ZNF341: variants seen among roughly 807,000 people sequenced by gnomAD.
The protein encoded by ZNF341 is zinc finger protein 341.
Under a neutral mutation model 87.7 loss-of-function variants are expected in ZNF341, and 52 were observed. That is an observed-to-expected ratio of 0.59 (90% CI 0.47 to 0.75). The LOEUF is 0.75. ZNF341 is among the 30% of genes least tolerant of loss of function. The probability of loss-of-function intolerance (pLI) is 0.00; values close to 1 mark genes in which losing one functional copy is unlikely to be tolerated. For synonymous variants in ZNF341, 459 were observed against 472.7 expected, an observed-to-expected ratio of 0.97 and a Z score of 0.38; for missense variants, 977 against 1,145.9, an observed-to-expected ratio of 0.85 and a Z score of 2.13.
chr20:33,745,385 T>G, intron 3 of ZNF341, 86 bp downstream of exon 3: 1 of 1,342,858 alleles, frequency 7.4e-7, no homozygotes. Context: ...GCTATAGCAA[T>G]GGATAAGACA....
At chr20:33,759,664 A>G (rs527509686) in intron 7 of ZNF341, among the ~76,000 whole-genome samples, 3 of 152,258 alleles carry the variant, frequency 2.0e-5, no homozygotes, top group African/African-American at 7.2e-5. Flanking sequence ...TCCCTTTGCA[A>G]TTTCAGTCCT....
At chr20:33,752,896 G>A (rs1190066904) in intron 4 of ZNF341, among the ~76,000 whole-genome samples, 4 of 149,216 alleles carry the variant, frequency 2.7e-5, no homozygotes, top group Non-Finnish European at 5.9e-5. Context: ...TGATCCGCCC[G>A]CCTCAGCTCC....
In ZNF341 at chr20:33,791,562, T is replaced by C; in HGVS notation, c.*45T>C. ...TCCTGGGCAGGCCTGATGCTCCTGT[T>C]TGGGTCCAGGGCCCCTGGGGGCAGA... On this transcript the variant is annotated 3_prime_UTR_variant, in exon 15 of 15. Transcript: ENST00000375200. 4.7e-6 allele frequency: 7 copies of C among 1,496,844 alleles called. No homozygotes were observed. Among genetic ancestry groups the C allele is most frequent in the African/African-American group, 1.4e-5 (1 of 71,966 alleles). 92.7% of individuals were successfully genotyped at this position (1,496,844 alleles called of 1,614,324 possible). A position where few individuals can be genotyped will look rare whatever the true frequency, so the allele number is the denominator to read the frequency against.
intron 12 of ZNF341, chr20:33,788,057 C>G (rs2019905905): frequency 6.6e-6 from 1 of 151,418 alleles, no homozygotes; most frequent in African/African-American, 2.4e-5. Flanking sequence ...TGGTTAAAAG[C>G]TTACATCAGA....
At chr20:33,757,009 C>G (rs1249301963) in intron 5 of ZNF341, 139 bp from the exon 6 acceptor site, 7 of 660,974 alleles carry the variant, frequency 1.1e-5, no homozygotes, top group Non-Finnish European at 1.7e-5. Flanking sequence ...CTTGGGTGAC[C>G]GGGCCAGGTG....
intron 8 of ZNF341, among the ~76,000 whole-genome samples, chr20:33,764,561 A>ATATATATATATATATATTT (rs1266929824): frequency 3.5e-5 from 1 of 28,412 alleles, no homozygotes; most frequent in East Asian, 3.4e-3. Flanking sequence ...ATATATATAT[A>ATATATATATATATATATTT]TTTTTTTTTT....
chr20:33,732,391 G>A lies in ZNF341; in HGVS notation c.31+339G>A, dbSNP rs1330117356. ...GGCGGGGCGGTCTGGAACAGCCGCG[G>A]CCAGGGAGGCGGCTTGGCGGCGCGC... On this transcript the variant is annotated intron_variant, in intron 1 of 14. Transcript: ENST00000375200. This position sits in a 1 kb window ranked among gnomAD's most constrained non-coding sequence, Gnocchi z 4.5. Among the ~76,000 whole-genome samples the A allele has an allele frequency of 6.6e-6, 1 of 151,874 alleles. No homozygotes were observed. Among genetic ancestry groups the A allele is most frequent in the Non-Finnish European group, 1.5e-5 (1 of 67,906 alleles).
chr20:33,735,447 ACCTCAG>A (rs1202591546), intron 1 of ZNF341, among the ~76,000 whole-genome samples: 1 of 151,898 alleles, frequency 6.6e-6, no homozygotes, highest in African/African-American at 2.4e-5. Flanking sequence ...TGATCCTCCC[ACCTCAG>A]CCTCCCAGGT....
intron 4 of ZNF341, among the ~76,000 whole-genome samples, chr20:33,750,733 T>C (rs1290997781): frequency 6.6e-6 from 1 of 152,016 alleles, no homozygotes; most frequent in African/African-American, 2.4e-5. Context: ...CTCCGCATCC[T>C]GGGTTCAAGC....
At chr20:33,741,864 G>A (rs1185544941) in intron 2 of ZNF341, among the ~76,000 whole-genome samples, 1 of 152,240 alleles carries the variant, frequency 6.6e-6, no homozygotes, top group Non-Finnish European at 1.5e-5. Context: ...CCGTGGGCAA[G>A]TGAGTGAATT....
At chr20:33,767,711 A>C (rs914619050) in intron 9 of ZNF341, among the ~76,000 whole-genome samples, 1 of 152,152 alleles carries the variant, frequency 6.6e-6, no homozygotes, top group African/African-American at 2.4e-5. Context: ...AACCCAGTAC[A>C]TGTGCTCTAT....
At chr20:33,744,498 TTC>T (rs2018874936) in intron 2 of ZNF341, among the ~76,000 whole-genome samples, 1 of 151,978 alleles carries the variant, frequency 6.6e-6, no homozygotes, top group African/African-American at 2.4e-5. Flanking sequence ...GGTTCTGGAG[TTC>T]TCAACTTTGT....
chr20:33,785,492 A>G (rs558344211), intron 12 of ZNF341, among the ~76,000 whole-genome samples: 3 of 152,002 alleles, frequency 2.0e-5, no homozygotes, highest in South Asian at 4.2e-4. Flanking sequence ...CGCCCACCAC[A>G]TGCCTGGCTA....
rs2018973636 is a variant in ZNF341, at chr20:33,748,162, C to G, written c.340-761C>G. ...TCTCAGCTCACTGCAACCTCCATCT[C>G]CCAGGTTCAAGCGGTTCTCCTGCCT... is the stretch of plus-strand genomic sequence containing the variant. On this transcript the variant is annotated intron_variant, in intron 3 of 14. Transcript: ENST00000375200. Among the ~76,000 whole-genome samples the G allele has an allele frequency of 3.3e-5, 5 of 150,748 alleles. No homozygotes were observed. In the East Asian group the frequency reaches 6.0e-4, roughly 18 times the overall value.
chr20:33,732,195 G>A lies in ZNF341; in HGVS notation c.31+143G>A. ...GGAACAGCCGCGGGGCGGGAGGGGC[G>A]CGGGCGGGAACAGCGCGGGAGCCGA... On this transcript the variant is annotated intron_variant, in intron 1 of 14. Coordinates refer to ENST00000375200, the MANE Select transcript of ZNF341 (RefSeq NM_001282933.2). This position sits in a 1 kb window ranked among gnomAD's most constrained non-coding sequence, Gnocchi z 4.5. 1.6e-6 allele frequency: 1 copy of A among 634,206 alleles called. No homozygotes were observed. The highest frequency in any genetic ancestry group is 2.0e-5 in the African/African-American group (1 of 50,156). 39.3% of individuals were successfully genotyped at this position (634,206 alleles called of 1,614,324 possible).
chr20:33,767,107 C>T, intron 9 of ZNF341, 66 bp downstream of exon 9: 1 of 1,529,834 alleles, frequency 6.5e-7, no homozygotes, highest in South Asian at 1.3e-5. Context: ...GTGCTAGGGT[C>T]TTGAATGCTG....
At chr20:33,758,590 TG>T in intron 6 of ZNF341, 125 bp from the exon 7 acceptor site, 1 of 678,384 alleles carries the variant, frequency 1.5e-6, no homozygotes, top group Admixed American at 2.5e-5. Context: ...CTCCCTGGCC[TG>T]TGTATGGGCA....
chr20:33,742,447 G>A lies in ZNF341; in HGVS notation c.142+1435G>A, dbSNP rs36037474. On this transcript the variant is annotated intron_variant, in intron 2 of 14. Coordinates refer to ENST00000375200, the MANE Select transcript of ZNF341 (RefSeq NM_001282933.2). ...CCCTGACCTCATGATCACCCGCCTC[G>A]GCCTCCCAAAGTGCTGGGATTGCAG... 3.7e-3 allele frequency among the ~76,000 whole-genome samples: 557 copies of A among 152,020 alleles called. 5 individuals are homozygous for A. The highest frequency in any genetic ancestry group is 3.3e-3 in the Non-Finnish European group (226 of 67,974).
rs2018603728 is a variant in ZNF341 at position 33,732,896 on chromosome 20, T to C, written c.31+844T>C. Among the ~76,000 whole-genome samples the C allele has an allele frequency of 6.6e-6, 1 of 152,268 alleles. No individual in the cohort carries two copies. The highest frequency in any genetic ancestry group is 3.4e-3 in the Middle Eastern group (1 of 294). ...AGCGACTCGGGGCCATGGCGCAGAA[T>C]AGATATTGTGGGAAATACAGACCAA... is the stretch of plus-strand genomic sequence containing the variant. On this transcript the variant is annotated intron_variant, in intron 1 of 14. Coordinates refer to ENST00000375200, the MANE Select transcript of ZNF341 (RefSeq NM_001282933.2). The surrounding 1 kb of genome is among the most constrained non-coding windows in gnomAD (Gnocchi z 4.5).
Sources: gnomAD v4.1 joint callset for allele counts (sites outside exome capture counted in the v4.1 genomes callset) on GRCh38, gnomAD v4.1.1 for gene constraint, Gnocchi (gnomAD v3.1) non-coding constraint, MANE v1.5 for transcripts, NCBI Gene and HGNC (gene_info 2026-07-23, HGNC 2026-07-21) for gene names.